The following STAP1 variants were observed in gnomAD, a reference collection of about 807,000 sequenced individuals.
The protein encoded by STAP1 is signal-transducing adaptor protein 1.
STAP1 carries 30 observed loss-of-function variants against 37.8 expected under a neutral mutation model. The ratio of observed to expected loss-of-function variants is 0.79; its 90% CI spans 0.59 to 1.08. The LOEUF (loss-of-function observed/expected upper bound fraction) is 1.08. Among genes scored for constraint, STAP1 ranks in the 50% least tolerant of loss-of-function variants. STAP1 has a pLI of 0.00. For missense variants in STAP1, 357 were observed against 349.4 expected, an observed-to-expected ratio of 1.02 and a Z score of -0.17; for synonymous variants, 130 against 116.0, an observed-to-expected ratio of 1.12 and a Z score of -0.78.
intron 7 of STAP1, among the ~76,000 whole-genome samples, chr4:67,592,156 G>A (rs35798615): frequency 0.26 from 39,660 of 151,152 alleles, 5,556 homozygotes; most frequent in African/African-American, 0.36. Context: ...GGGTCTTGCT[G>A]TGTTGCCCAG....
At position 67,581,308 on chromosome 4, in the gene STAP1, T is replaced by C; in HGVS notation, c.367T>C (p.Ser123Pro). Residue 123 changes from serine to proline, a missense_variant, in exon 5 of 9, where the codon TCA (serine) becomes CCA (proline). Transcript: ENST00000265404. ...RGFILTVTEL[S>P]VPQNVSLLPG... ...CTACTCTTTTAATTGGTTTCAGCTG[T>C]CAGTTCCCCAAAACGTGTCACTCCT... 6.2e-7 allele frequency: 1 copy of C among 1,610,630 alleles called. No homozygotes were observed. The highest frequency in any genetic ancestry group is 8.5e-7 in the Non-Finnish European group (1 of 1,178,986).
chr4:67,599,383 ATTAT>A (rs959055851), intron 8 of STAP1, among the ~76,000 whole-genome samples: 110 of 151,666 alleles, frequency 7.3e-4, no homozygotes, highest in African/African-American at 2.6e-3. Flanking sequence ...CTTTGAACTC[ATTAT>A]TTATTATTGG....
rs1312618449 is a variant in STAP1 at position 67,590,972 on chromosome 4, T to G, written c.729+19T>G. The G allele has an allele frequency of 6.3e-7, 1 of 1,597,170 alleles. No individual in the cohort carries two copies. The highest frequency in any genetic ancestry group is 1.7e-5 in the Admixed American group (1 of 59,202). On this transcript the variant is annotated intron_variant, in intron 7 of 8. Coordinates refer to ENST00000265404, the MANE Select transcript of STAP1 (RefSeq NM_012108.4). Reference sequence around the variant, plus strand: ...AAAACCTGTAAGTAACTATTTTTGTTGTTGTTGATGAACTTCCTCCCGATT... The same window carrying G: ...AAAACCTGTAAGTAACTATTTTTGTGGTTGTTGATGAACTTCCTCCCGATT...
intron 8 of STAP1, among the ~76,000 whole-genome samples, chr4:67,593,884 T>C (rs112102196): frequency 9.2e-5 from 14 of 152,312 alleles, no homozygotes; most frequent in African/African-American, 3.1e-4. Flanking sequence ...GAATTACAGA[T>C]AAAGATTGTA....
At chr4:67,577,560 A>T (rs1727752010) in intron 4 of STAP1, among the ~76,000 whole-genome samples, 1 of 151,876 alleles carries the variant, frequency 6.6e-6, no homozygotes, top group African/African-American at 2.4e-5. Flanking sequence ...TATCTGTTTG[A>T]CTCAGTGGTC....
intron 2 of STAP1, among the ~76,000 whole-genome samples, chr4:67,571,946 G>A (rs1321661462): frequency 1.3e-5 from 2 of 152,178 alleles, no homozygotes; most frequent in African/African-American, 4.8e-5. Context: ...TTTCTCTTTT[G>A]TGCATTCCAA....
chr4:67,590,421 G>T (rs1728094079), intron 6 of STAP1, among the ~76,000 whole-genome samples: 1 of 152,150 alleles, frequency 6.6e-6, no homozygotes, highest in South Asian at 2.1e-4. Context: ...AACAGCTATT[G>T]AGGGGTTTCT....
At chr4:67,566,137 AG>A (rs1390721168) in intron 1 of STAP1, among the ~76,000 whole-genome samples, 2 of 151,726 alleles carry the variant, frequency 1.3e-5, no homozygotes, top group Non-Finnish European at 2.9e-5. Flanking sequence ...TAGTAGATAC[AG>A]GGTTTCACCA....
At chr4:67,573,883 A>G (rs1727660095) in intron 2 of STAP1, among the ~76,000 whole-genome samples, 2 of 152,180 alleles carry the variant, frequency 1.3e-5, no homozygotes, top group South Asian at 4.1e-4. Context: ...CTCAAGAATG[A>G]GGCTAATTTA....
At chr4:67,581,742 T>C (rs1727865905) in intron 5 of STAP1, among the ~76,000 whole-genome samples, 1 of 152,128 alleles carries the variant, frequency 6.6e-6, no homozygotes, top group Non-Finnish European at 1.5e-5. Context: ...CACGCCTAAA[T>C]AAAAACTCCC....
chr4:67,581,734 C>G (rs1049985482), intron 5 of STAP1, among the ~76,000 whole-genome samples: 1 of 152,140 alleles, frequency 6.6e-6, no homozygotes, highest in Non-Finnish European at 1.5e-5. Flanking sequence ...CCAGAGCTCA[C>G]GCCTAAATAA....
chr4:67,569,922 G>C (rs1420995853), intron 1 of STAP1, among the ~76,000 whole-genome samples: 1 of 152,058 alleles, frequency 6.6e-6, no homozygotes, highest in African/African-American at 2.4e-5. Flanking sequence ...GTAGAGATGG[G>C]GTTTTGCCAT....
At chr4:67,569,422 T>G (rs1401282667) in intron 1 of STAP1, among the ~76,000 whole-genome samples, 3 of 152,096 alleles carry the variant, frequency 2.0e-5, no homozygotes, top group Admixed American at 6.6e-5. Context: ...ATAAAAAATG[T>G]TTTTCTTTTT....
chr4:67,586,471 C>T (rs1727981907), intron 6 of STAP1, among the ~76,000 whole-genome samples: 1 of 151,988 alleles, frequency 6.6e-6, no homozygotes, highest in Non-Finnish European at 1.5e-5. Context: ...ACAAAACAAA[C>T]AAACAAAAAA....
intron 2 of STAP1, among the ~76,000 whole-genome samples, chr4:67,575,005 G>T (rs948556024): frequency 8.5e-5 from 13 of 152,092 alleles, no homozygotes; most frequent in African/African-American, 3.1e-4. Flanking sequence ...AAATGAAGAT[G>T]TAAATAACCT....
chr4:67,605,087 C>T (rs1475720582), intron 8 of STAP1, among the ~76,000 whole-genome samples: 2 of 152,162 alleles, frequency 1.3e-5, no homozygotes, highest in Admixed American at 6.5e-5. Flanking sequence ...TACTCTCGAG[C>T]CGCCAAGGGT....
intron 1 of STAP1, among the ~76,000 whole-genome samples, chr4:67,570,628 C>A (rs1033058660): frequency 6.6e-6 from 1 of 150,866 alleles, no homozygotes. Flanking sequence ...TACCACTACG[C>A]TCCAGCCTGG....
Position 67,558,888 on chromosome 4 carries a change from T to C in STAP1, c.79T>C (p.Tyr27His), listed in dbSNP as rs773540950. ...ERLKITALPLYFEGFLLIKRS... is the reference protein window; with the variant it reads ...ERLKITALPLHFEGFLLIKRS... ...GTTAAAGATTACTGCTCTACCTTTG[T>C]ACTTTGAAGGTTTTTTATTAATCAA... Residue 27 changes from tyrosine (Y) to histidine (H), a missense_variant, in exon 1 of 9, where the codon TAC (tyrosine) becomes CAC (histidine). Tyr to His is a moderately conservative substitution (Grantham distance 83). Coordinates refer to ENST00000265404, the MANE Select transcript of STAP1 (RefSeq NM_012108.4). 6.8e-6 allele frequency: 11 copies of C among 1,613,470 alleles called. No homozygotes were observed. The South Asian group carries it at 1.2e-4, about 18-fold the overall frequency.
Position 67,562,096 on chromosome 4 carries a change from G to C in STAP1, c.120+3167G>C, listed in dbSNP as rs1173536863. ...AAAAAAAAAAAAAAAAAAAAAGAAA[G>C]AAAGAGAGAAAGAAAGAAAAGAAAA... On this transcript the variant is annotated intron_variant, in intron 1 of 8. Coordinates refer to ENST00000265404, the MANE Select transcript of STAP1 (RefSeq NM_012108.4). 3.8e-5 allele frequency among the ~76,000 whole-genome samples: 5 copies of C among 132,580 alleles called. 1 individual carries two copies. The highest frequency in any genetic ancestry group is 1.4e-4 in the African/African-American group (5 of 35,246). 87.0% of individuals were successfully genotyped at this position (132,580 alleles called of 152,430 possible). A position where few individuals can be genotyped will look rare whatever the true frequency, so the allele number is the denominator to read the frequency against.
Sources: allele counts gnomAD v4.1 joint callset (sites outside exome capture counted in the v4.1 genomes callset), GRCh38; gene constraint gnomAD v4.1.1; transcripts MANE v1.5; gene names NCBI Gene and HGNC (gene_info 2026-07-23, HGNC 2026-07-21).